GIPC2: variants seen among roughly 807,000 people sequenced by gnomAD.
GIPC2 encodes the protein GIPC PDZ domain containing family member 2.
Under a neutral mutation model 30.6 loss-of-function variants are expected in GIPC2, and 30 were observed. The observed-to-expected ratio is 0.98, with a 90% CI of 0.73 to 1.33. GIPC2 has a LOEUF of 1.33. GIPC2 is among the 40% of genes most tolerant of loss of function. GIPC2 has a pLI of 0.00. For missense variants in GIPC2, 414 were observed against 390.3 expected (o/e 1.06, Z -0.51); for synonymous variants, 167 against 150.0 (o/e 1.11, Z -0.83).
intron 4 of GIPC2, among the ~76,000 whole-genome samples, chr1:78,125,516 A>G (rs1425317590): frequency 6.6e-6 from 1 of 152,168 alleles, no homozygotes; most frequent in Non-Finnish European, 1.5e-5. Flanking sequence ...AAAGTCTTCC[A>G]TGACTGTTAG....
chr1:78,092,612 C>T lies in GIPC2; in HGVS notation c.427-2340C>T, dbSNP rs1365053457. 2.0e-5 allele frequency: 3 copies of T among 152,278 alleles called. No individual in the cohort carries two copies. The East Asian group carries it at 5.8e-4, about 29-fold the overall frequency. 9.4% of individuals were successfully genotyped at this position (152,278 alleles called of 1,614,324 possible). A position where few individuals can be genotyped will look rare whatever the true frequency, so the allele number is the denominator to read the frequency against. On this transcript the variant is annotated intron_variant, in intron 2 of 5. Coordinates refer to ENST00000370759, the MANE Select transcript of GIPC2 (RefSeq NM_017655.6). ...AGGTTTCAGAAACTTGTCTCCATTG[C>T]TCCCGTATTGTTTATTCTGCCCACT... is the stretch of plus-strand genomic sequence containing the variant.
intron 5 of GIPC2, among the ~76,000 whole-genome samples, chr1:78,131,696 A>G (rs1181475737): frequency 1.3e-5 from 2 of 152,218 alleles, no homozygotes; most frequent in East Asian, 1.9e-4. Flanking sequence ...GAATTTTACC[A>G]TTTACTTATC....
At chr1:78,056,502 A>T (rs1385372315) in intron 1 of GIPC2, among the ~76,000 whole-genome samples, 1 of 152,180 alleles carries the variant, frequency 6.6e-6, no homozygotes, top group Non-Finnish European at 1.5e-5. Flanking sequence ...ATTATTACAG[A>T]AATTTTAAAT....
intron 5 of GIPC2, among the ~76,000 whole-genome samples, chr1:78,130,121 T>TTTCCAGACAGAC (rs369892829): frequency 6.8e-6 from 1 of 146,744 alleles, no homozygotes; most frequent in African/African-American, 2.5e-5. Flanking sequence ...TTTTTTTTTT[T>TTTCCAGACAGAC]CAGACAGAGT....
intron 3 of GIPC2, among the ~76,000 whole-genome samples, chr1:78,116,242 G>A (rs1484450064): frequency 6.6e-6 from 1 of 152,156 alleles, no homozygotes; most frequent in African/African-American, 2.4e-5. Context: ...CCATCCCTCT[G>A]ATCCAATCAC....
intron 3 of GIPC2, among the ~76,000 whole-genome samples, chr1:78,109,931 G>C (rs552524905): frequency 6.6e-6 from 1 of 151,882 alleles, no homozygotes; most frequent in Non-Finnish European, 1.5e-5. Context: ...GCAAACTGTC[G>C]CAAGGACAAA....
upstream of GIPC2, chr1:78,045,722 G>A: frequency 3.0e-6 from 3 of 985,482 alleles, no homozygotes; most frequent in Non-Finnish European, 3.6e-6. Flanking sequence ...GCCTACTACA[G>A]ATTTATGAAA....
intron 3 of GIPC2, among the ~76,000 whole-genome samples, chr1:78,098,284 C>T (rs1662176340): frequency 1.3e-5 from 2 of 152,120 alleles, no homozygotes; most frequent in East Asian, 3.9e-4. Context: ...TGACAGCATC[C>T]AACTTTCTTT....
intron 1 of GIPC2, among the ~76,000 whole-genome samples, chr1:78,047,288 AGAGAGCTGTCTTT>A (rs1661112370): frequency 6.6e-6 from 1 of 152,212 alleles, no homozygotes. Context: ...AGAGGAGTGC[AGAGAGCTGTCTTT>A]GAGGCCTACA....
At chr1:78,103,960 C>T (rs998190897) in intron 3 of GIPC2, among the ~76,000 whole-genome samples, 5 of 152,088 alleles carry the variant, frequency 3.3e-5, no homozygotes, top group South Asian at 2.1e-4. Flanking sequence ...TGTGGCTTTG[C>T]GATCTCAGGT....
intron 1 of GIPC2, among the ~76,000 whole-genome samples, chr1:78,073,370 C>T (rs1661659760): frequency 6.6e-6 from 1 of 152,076 alleles, no homozygotes; most frequent in African/African-American, 2.4e-5. Flanking sequence ...TCCCAAAGTG[C>T]TGGGATTTCA....
At chr1:78,061,777 C>T (rs1293220970) in intron 1 of GIPC2, among the ~76,000 whole-genome samples, 2 of 151,916 alleles carry the variant, frequency 1.3e-5, no homozygotes, top group African/African-American at 2.4e-5. Flanking sequence ...CCACCATGCC[C>T]GGCTAATTTT....
chr1:78,116,751 A>G (rs1351893082), intron 3 of GIPC2, among the ~76,000 whole-genome samples: 3 of 152,282 alleles, frequency 2.0e-5, no homozygotes, highest in Admixed American at 6.5e-5. Flanking sequence ...AACCCAGTCT[A>G]TCATTGATGG....
chr1:78,114,814 G>A (rs1662538653), intron 3 of GIPC2, among the ~76,000 whole-genome samples: 1 of 152,178 alleles, frequency 6.6e-6, no homozygotes, highest in Non-Finnish European at 1.5e-5. Flanking sequence ...ATTATGATGT[G>A]TCAATGTAGG....
chr1:78,116,124 A>C (rs1417655938), intron 3 of GIPC2, among the ~76,000 whole-genome samples: 1 of 152,206 alleles, frequency 6.6e-6, no homozygotes, highest in African/African-American at 2.4e-5. Context: ...GGCATGTCTT[A>C]TATGGCAACA....
upstream of GIPC2, among the ~76,000 whole-genome samples, chr1:78,045,373 G>A (rs540624114): frequency 4.3e-4 from 65 of 152,282 alleles, 1 homozygote; most frequent in Non-Finnish European, 7.1e-4. Flanking sequence ...ACACCGAATG[G>A]CCTCAATTTT....
chr1:78,075,790 G>A (rs927901247), intron 1 of GIPC2, among the ~76,000 whole-genome samples: 2 of 152,180 alleles, frequency 1.3e-5, no homozygotes, highest in Admixed American at 6.5e-5. Flanking sequence ...TCACTTTTAT[G>A]CCTGGAATAG....
In GIPC2 at chr1:78,091,382, T is replaced by C. The variant is rs138468417; in HGVS notation, c.427-3570T>C. ...ACTGGACATGTAGCTCAGAGTCTGGTGCTTAAGATTTTAGGGAGAGTGGAG... is the reference window on the plus strand; with the variant it reads ...ACTGGACATGTAGCTCAGAGTCTGGCGCTTAAGATTTTAGGGAGAGTGGAG... On this transcript the variant is annotated intron_variant, in intron 2 of 5. Coordinates refer to ENST00000370759, the MANE Select transcript of GIPC2 (RefSeq NM_017655.6). The C allele has an allele frequency of 6.6e-3, 3,377 of 512,300 alleles. 27 individuals are homozygous for C. Among genetic ancestry groups the C allele is most frequent in the South Asian group, 0.017 (793 of 47,794 alleles). The allele number at this position is 512,300 out of a possible 1,614,324, so 31.7% of individuals were successfully genotyped here.
At chr1:78,105,533 A>G (rs1352192202) in intron 3 of GIPC2, among the ~76,000 whole-genome samples, 1 of 151,982 alleles carries the variant, frequency 6.6e-6, no homozygotes, top group Non-Finnish European at 1.5e-5. Context: ...TGATCCGCCC[A>G]CCTCGGCCTC....
Sources: allele counts gnomAD v4.1 joint callset (sites outside exome capture counted in the v4.1 genomes callset), GRCh38; gene constraint gnomAD v4.1.1; transcripts MANE v1.5; gene names NCBI Gene and HGNC (gene_info 2026-07-23, HGNC 2026-07-21).